RELL1: variants seen among roughly 807,000 people sequenced by gnomAD.
RELL1 encodes the protein RELT-like protein 1.
In RELL1, 10 loss-of-function variants were observed where a neutral mutation model predicts 23.0. The observed-to-expected ratio is 0.43, with a 90% CI of 0.27 to 0.74. The LOEUF (loss-of-function observed/expected upper bound fraction) is 0.74, where lower values mean the gene tolerates loss of function less well. Among genes scored for constraint, RELL1 ranks in the 30% least tolerant of loss-of-function variants. The pLI, the probability that RELL1 is intolerant of heterozygous loss-of-function variation, is 0.19. For synonymous variants in RELL1, 146 were observed against 146.8 expected (o/e 0.99, Z 0.04); for missense variants, 315 against 364.4 (o/e 0.86, Z 1.10).
chr4:37,678,655 G>A (rs889008704), intron 1 of RELL1, among the ~76,000 whole-genome samples: 3 of 152,206 alleles, frequency 2.0e-5, no homozygotes, highest in African/African-American at 7.2e-5. Context: ...TCATTCTTTA[G>A]CTGTGATAGG....
chr4:37,651,808 G>A (rs113474346), intron 1 of RELL1, among the ~76,000 whole-genome samples: 407 of 152,186 alleles, frequency 2.7e-3, no homozygotes, highest in African/African-American at 8.8e-3. Flanking sequence ...CCATTCCCCC[G>A]AGCCCCACAT....
At position 37,631,403 on chromosome 4, in the gene RELL1, G is replaced by T. The variant is rs774430888; in HGVS notation, c.801C>A (p.Arg267=). 1.9e-6 allele frequency: 3 copies of T among 1,613,842 alleles called. No homozygotes were observed. Among genetic ancestry groups the T allele is most frequent in the Admixed American group, 3.3e-5 (2 of 59,968 alleles). Residue 267 remains arginine (R), a synonymous_variant, in exon 6 of 7, where the codon CGC becomes CGA. Transcript: ENST00000454158. ...EVPATPVKRE[R]SGTE ...GGCTCACCTGCTACTCTGTGCCACT[G>T]CGTTCTCTCTTCACAGGTGTTGCCG...
chr4:37,661,650 C>T (rs1030375068), intron 1 of RELL1, among the ~76,000 whole-genome samples: 3 of 152,180 alleles, frequency 2.0e-5, no homozygotes, highest in Non-Finnish European at 4.4e-5. Flanking sequence ...AAAGCAAATT[C>T]TACAAAATAA....
chr4:37,590,272 C>T, downstream of RELL1: 1 of 1,614,126 alleles, frequency 6.2e-7, no homozygotes, highest in Non-Finnish European at 8.5e-7. Flanking sequence ...GACAGCTGAT[C>T]CATGGGAGCC....
At chr4:37,629,483 A>G (rs761753557) in intron 6 of RELL1, among the ~76,000 whole-genome samples, 9 of 152,216 alleles carry the variant, frequency 5.9e-5, no homozygotes, top group Non-Finnish European at 1.2e-4. Flanking sequence ...TATTGAATTA[A>G]CGTTAGCTGC....
chr4:37,589,883 T>C (rs1366364950), downstream of RELL1, among the ~76,000 whole-genome samples: 1 of 152,228 alleles, frequency 6.6e-6, no homozygotes, highest in Non-Finnish European at 1.5e-5. Flanking sequence ...CCACCCGCCT[T>C]GGCCACCCAA....
chr4:37,680,503 C>G (rs1560362730), intron 1 of RELL1, among the ~76,000 whole-genome samples: 1 of 152,184 alleles, frequency 6.6e-6, no homozygotes, highest in Non-Finnish European at 1.5e-5. Context: ...TATAGTGGAA[C>G]AGTAGGCAGC....
chr4:37,614,498 C>T (rs527750715), intron 6 of RELL1, among the ~76,000 whole-genome samples: 10 of 152,190 alleles, frequency 6.6e-5, no homozygotes, highest in South Asian at 2.1e-4. Flanking sequence ...TAATGAAATA[C>T]GTAATACCCT....
intron 1 of RELL1, among the ~76,000 whole-genome samples, chr4:37,670,205 C>T (rs1035917253): frequency 1.4e-5 from 2 of 146,076 alleles, no homozygotes; most frequent in African/African-American, 5.2e-5. Flanking sequence ...TGATCATAAT[C>T]GATAGTTTTT....
downstream of RELL1, chr4:37,588,976 T>A: frequency 1.9e-6 from 2 of 1,061,524 alleles, no homozygotes; most frequent in Non-Finnish European, 2.9e-6. Flanking sequence ...ACCATGCGTG[T>A]ATTCAGTGCA....
At chr4:37,607,405 T>C (rs986745711), downstream of RELL1, among the ~76,000 whole-genome samples, 1 of 152,216 alleles carries the variant, frequency 6.6e-6, no homozygotes, top group Non-Finnish European at 1.5e-5. Context: ...TCCAAAATTA[T>C]CTTCAAATTT....
intron 1 of RELL1, among the ~76,000 whole-genome samples, chr4:37,650,574 T>C (rs906506715): frequency 6.6e-6 from 1 of 151,954 alleles, no homozygotes; most frequent in African/African-American, 2.4e-5. Flanking sequence ...AAAAGAACAG[T>C]GGGGATCTAC....
intron 6 of RELL1, among the ~76,000 whole-genome samples, chr4:37,600,036 G>A (rs57902788): frequency 0.044 from 6,718 of 152,268 alleles, 318 homozygotes; most frequent in East Asian, 0.26. Context: ...CCGGGAGGCC[G>A]AGGCAGGCGC....
At position 37,603,956 on chromosome 4, in the gene RELL1, C is replaced by T. The variant is rs551231495; in HGVS notation, c.*4-12739G>A. Among the ~76,000 whole-genome samples the T allele has an allele frequency of 3.0e-4, 45 of 152,324 alleles. 1 individual carries two copies. The South Asian group carries it at 9.3e-3, about 32-fold the overall frequency. ...ATCTGAGCCTCCCAAGTAGCTGGGA[C>T]TGCAGGCACGGGCCATCATGCTCGG... On this transcript the variant is annotated intron_variant, in intron 6 of 6. Coordinates refer to the RELL1 transcript ENST00000314117.
At chr4:37,631,564 T>C in intron 5 of RELL1, 41 bp from the exon 6 acceptor site, 1 of 1,600,304 alleles carries the variant, frequency 6.2e-7, no homozygotes, top group Non-Finnish European at 8.5e-7. Context: ...TTTGCTTTTC[T>C]AATAAACAAG....
In RELL1 at chr4:37,666,852, G is replaced by C. The variant is rs550031255; in HGVS notation, c.89-17352C>G. On this transcript the variant is annotated intron_variant, in intron 1 of 6. Transcript: ENST00000454158. ...GAGAACTACAAAAGTCCTAAACGAA[G>C]GGTTTTCCAATTAGTCACAGGTTAG... Among the ~76,000 whole-genome samples, 5 of 152,278 alleles carry C rather than the reference G, an allele frequency of 3.3e-5. No individual in the cohort carries two copies. In the East Asian group the frequency reaches 9.7e-4, roughly 29 times the overall value.
intron 1 of RELL1, among the ~76,000 whole-genome samples, chr4:37,683,918 A>G (rs1303248274): frequency 6.6e-6 from 1 of 151,390 alleles, no homozygotes; most frequent in Non-Finnish European, 1.5e-5. Context: ...CGTCTCTACT[A>G]AAAATATAAA....
chr4:37,620,732 C>G (rs1053964509), intron 6 of RELL1, among the ~76,000 whole-genome samples: 1 of 152,196 alleles, frequency 6.6e-6, no homozygotes, highest in Admixed American at 6.5e-5. Context: ...ATGGACAATA[C>G]TGCTATTACC....
intron 6 of RELL1, among the ~76,000 whole-genome samples, chr4:37,599,760 G>A (rs1030134696): frequency 3.9e-5 from 6 of 152,046 alleles, no homozygotes; most frequent in African/African-American, 1.4e-4. Flanking sequence ...GCAATCGTAA[G>A]ACCATGAATT....
Sources: allele counts gnomAD v4.1 joint callset (sites outside exome capture counted in the v4.1 genomes callset), GRCh38; gene constraint gnomAD v4.1.1; transcripts MANE v1.5; gene names NCBI Gene and HGNC (gene_info 2026-07-23, HGNC 2026-07-21).